Variants in ZFP36L2 observed in about 807,000 individuals in gnomAD.
ZFP36L2 encodes the protein mRNA decay activator protein ZFP36L2.
Under a neutral mutation model 27.9 loss-of-function variants are expected in ZFP36L2, and 16 were observed. The ratio of observed to expected loss-of-function variants is 0.57; its 90% CI spans 0.39 to 0.87. The LOEUF (loss-of-function observed/expected upper bound fraction) is 0.87. Among genes scored for constraint, ZFP36L2 ranks in the 40% least tolerant of loss-of-function variants. The pLI is 0.00. For missense variants in ZFP36L2, 989 were observed against 726.9 expected, an observed-to-expected ratio of 1.36 and a Z score of -4.15; for synonymous variants, 600 against 363.8, an observed-to-expected ratio of 1.65 and a Z score of -7.39.
chr2:43,225,101 C>T lies in ZFP36L2; in HGVS notation c.703G>A (p.Ala235Thr), dbSNP rs1468915069. The stretch of plus-strand genomic sequence containing the variant: ...TGCAACGCATCGCGCGTGCCAAAGG[C>T]ACGCAGGTCCCCGGAGGCGCCCCCC... Reference protein sequence around the residue: ...PSGGASGDLRAFGTRDALHLG... With the variant: ...PSGGASGDLRTFGTRDALHLG... The change falls in exon 2 of 2, where the codon GCC becomes ACC. Residue 235 changes from alanine to threonine, a missense_variant. Coordinates refer to ENST00000282388, the MANE Select transcript of ZFP36L2 (RefSeq NM_006887.5). 6.3e-7 allele frequency: 1 copy of T among 1,593,124 alleles called. No homozygotes were observed.
rs1464760639 is a variant in ZFP36L2, at chr2:43,224,766, C to T, written c.1038G>A (p.Pro346=). Residue 346 remains proline, a synonymous_variant, in exon 2 of 2, where the codon CCG becomes CCA. Transcript: ENST00000282388. ...ACGAGCAGGCCGCGCACGGGGCCCCCGGCGCCAGCAGGTCCTCGGCGCCCC... is the reference window on the plus strand; with the variant it reads ...ACGAGCAGGCCGCGCACGGGGCCCCTGGCGCCAGCAGGTCCTCGGCGCCCC... ...GTGGAEDLLA[P]GAPCAACSSA... 5 of 1,485,648 alleles carry T rather than the reference C, an allele frequency of 3.4e-6. No individual in the cohort carries two copies. The highest frequency in any genetic ancestry group is 1.3e-5 in the South Asian group (1 of 78,624). The allele number at this position is 1,485,648 out of a possible 1,614,324, so 92.0% of individuals were successfully genotyped here.
rs1426212776 is a variant in ZFP36L2 at position 43,224,043 on chromosome 2, T to C, written c.*276A>G. On this transcript the variant is annotated 3_prime_UTR_variant, in exon 2 of 2. Coordinates refer to ENST00000282388, the MANE Select transcript of ZFP36L2 (RefSeq NM_006887.5). ...TATCACAACTGCCCTGTTGTGAATA[T>C]TTTGTTCAACAGAAAAAGTTCGACT... The C allele has an allele frequency of 2.8e-6, 1 of 356,552 alleles. No homozygotes were observed. The highest frequency in any genetic ancestry group is 5.0e-6 in the Non-Finnish European group (1 of 200,026). The allele number at this position is 356,552 out of a possible 1,614,324, so 22.1% of individuals were successfully genotyped here. A position where few individuals can be genotyped will look rare whatever the true frequency, so the allele number is the denominator to read the frequency against.
chr2:43,224,487 G>C lies in ZFP36L2; in HGVS notation c.1317C>G (p.Asp439Glu). The C allele has an allele frequency of 6.7e-7, 1 of 1,499,766 alleles. No individual in the cohort carries two copies. Among genetic ancestry groups the C allele is most frequent in the African/African-American group, 1.4e-5 (1 of 69,156 alleles). 92.9% of individuals were successfully genotyped at this position (1,499,766 alleles called of 1,614,324 possible). A position where few individuals can be genotyped will look rare whatever the true frequency, so the allele number is the denominator to read the frequency against. ...TGGGGGGCGCGTCGAACACGGGCGA[G>C]TCGGACAGGCGGCGCGGCAGCTGGA... is the stretch of plus-strand genomic sequence containing the variant. ...FSFQLPRRLS[D>E]SPVFDAPPSP... Residue 439 changes from aspartate (D) to glutamate (E), a missense_variant, in exon 2 of 2, where the codon GAC (aspartate) becomes GAG (glutamate). By Grantham distance (45) the Asp-to-Glu change is conservative. Transcript: ENST00000282388.
At position 43,225,258 on chromosome 2, in the gene ZFP36L2, C is replaced by A; in HGVS notation, c.546G>T (p.Glu182Asp). 6.2e-7 allele frequency: 1 copy of A among 1,610,622 alleles called. No individual in the cohort carries two copies. The part of the protein sequence containing the change: ...EKCQFAHGFH[E>D]LRSLTRHPKY... ...TCGGATGGCGAGTCAGGCTGCGCAG[C>A]TCGTGGAAGCCATGCGCGAACTGGC... The change falls in exon 2 of 2, where the codon GAG becomes GAT. Residue 182 changes from glutamate (E) to aspartate (D), a missense_variant. Transcript: ENST00000282388.
rs140007857 is a variant in ZFP36L2, at chr2:43,225,336, G to A, written c.468C>T (p.Thr156=). The change falls in exon 2 of 2, where the codon ACC becomes ACT. Residue 156 remains threonine, a synonymous_variant. Transcript: ENST00000282388. ...GSQINSTRYK[T]ELCRPFEESG... The stretch of plus-strand genomic sequence containing the variant: ...TCTCCTCGAAGGGCCGGCACAGCTC[G>A]GTCTTGTAGCGCGTGGAGTTGATCT... The A allele has an allele frequency of 1.1e-5, 18 of 1,613,360 alleles. No individual in the cohort carries two copies. The Admixed American group carries it at 1.8e-4, about 16-fold the overall frequency.
Position 43,225,125 on chromosome 2 carries a change from C to A in ZFP36L2, c.679G>T (p.Gly227Trp). The A allele has an allele frequency of 1.3e-6, 2 of 1,594,608 alleles. No individual in the cohort carries two copies. The highest frequency in any genetic ancestry group is 1.3e-5 in the African/African-American group (1 of 74,930). Residue 227 changes from glycine (G) to tryptophan (W), a missense_variant, in exon 2 of 2, where the codon GGG (glycine) becomes TGG (tryptophan). By Grantham distance (184) the Gly-to-Trp change is radical. Transcript: ENST00000282388. ...NADERRPAPS[G>W]GASGDLRAFG... ...GCACGCAGGTCCCCGGAGGCGCCCC[C>A]CGACGGCGCGGGCCGCCGCTCGTCC...
Position 43,224,620 on chromosome 2 carries a change from T to TGAC in ZFP36L2, c.1181_1183dup (p.Ser394_Gln395insArg), listed in dbSNP as rs1667041629. 12 of 1,470,704 alleles carry TGAC rather than the reference T, an allele frequency of 8.2e-6. No individual in the cohort carries two copies. The Admixed American group carries it at 2.1e-4, about 26-fold the overall frequency. The allele number at this position is 1,470,704 out of a possible 1,614,324, so 91.1% of individuals were successfully genotyped here. ...CAGGCCCTGCTGCTGCTGCTGCTGC[T>TGAC]GACTGCGGTAGTAGGCGGCGGCGGC... is the stretch of plus-strand genomic sequence containing the variant. On this transcript the variant is annotated inframe_insertion, in exon 2 of 2. Transcript: ENST00000282388.
chr2:43,226,358 C>T lies in ZFP36L2; in HGVS notation c.-43G>A, dbSNP rs1168073332. ...TGGCCGGAGCGGCAGGCCGGGAGGT[C>T]GGGAGGAGCCCTTGGGGCGGCGTGG... On this transcript the variant is annotated 5_prime_UTR_variant, in exon 1 of 2. Coordinates refer to ENST00000282388, the MANE Select transcript of ZFP36L2 (RefSeq NM_006887.5). 2 of 1,556,154 alleles carry T rather than the reference C, an allele frequency of 1.3e-6. No homozygotes were observed. Among genetic ancestry groups the T allele is most frequent in the Non-Finnish European group, 1.7e-6 (2 of 1,149,490 alleles).
rs780997824 is a variant in ZFP36L2 at position 43,224,789 on chromosome 2, C to G, written c.1015G>C (p.Gly339Arg). ...CCCGGCGCCAGCAGGTCCTCGGCGC[C>G]CCCGGTGCCGTACAGCAGAGCGGCC... ...AAAALLYGTG[G>R]AEDLLAPGAP... is the part of the protein sequence containing the mutation. The change falls in exon 2 of 2, where the codon GGC becomes CGC. Residue 339 changes from glycine (G) to arginine (R), a missense_variant. Gly to Arg is a moderately radical substitution (Grantham distance 125, BLOSUM62 -2). Coordinates refer to ENST00000282388, the MANE Select transcript of ZFP36L2 (RefSeq NM_006887.5). 7 of 1,463,470 alleles carry G rather than the reference C, an allele frequency of 4.8e-6. No homozygotes were observed. Among genetic ancestry groups the G allele is most frequent in the Non-Finnish European group, 3.6e-6 (4 of 1,115,660 alleles). 90.7% of individuals were successfully genotyped at this position (1,463,470 alleles called of 1,614,324 possible). A position where few individuals can be genotyped will look rare whatever the true frequency, so the allele number is the denominator to read the frequency against.
At chr2:43,226,062 G>A (rs1667092627) in intron 1 of ZFP36L2, among the ~76,000 whole-genome samples, 1 of 152,148 alleles carries the variant, frequency 6.6e-6, no homozygotes, top group Admixed American at 6.5e-5. Context: ...GCCGCGGTCG[G>A]CAGTGGAGAA....
chr2:43,223,349 TA>T lies in ZFP36L2; in HGVS notation c.*969del, dbSNP rs1330581153. Reference sequence around the variant, plus strand: ...ATACACTCCACATTTTGCCGATTAATAATGGCAATCATAATTTAACATAATA... The same window carrying T: ...ATACACTCCACATTTTGCCGATTAATATGGCAATCATAATTTAACATAATA... On this transcript the variant is annotated 3_prime_UTR_variant, in exon 2 of 2. Transcript: ENST00000282388. 1 of 152,294 alleles carries T rather than the reference TA, an allele frequency of 6.6e-6. No individual in the cohort carries two copies. Among genetic ancestry groups the T allele is most frequent in the African/African-American group, 2.4e-5 (1 of 41,442 alleles). The allele number at this position is 152,294 out of a possible 1,614,324, so 9.4% of individuals were successfully genotyped here. A position where few individuals can be genotyped will look rare whatever the true frequency, so the allele number is the denominator to read the frequency against.
rs1044874287 is a variant in ZFP36L2 at position 43,226,568 on chromosome 2, C to T, written c.-253G>A. 6.0e-6 allele frequency: 3 copies of T among 501,176 alleles called. No individual in the cohort carries two copies. The highest frequency in any genetic ancestry group is 2.6e-5 in the South Asian group (1 of 38,774). The allele number at this position is 501,176 out of a possible 1,614,324, so 31.0% of individuals were successfully genotyped here. ...GCCCCGGGGTGCCCGGCCCGCCCCC[C>T]CCGCGGAGCCGACGGCAGCTCGCGG... On this transcript the variant is annotated 5_prime_UTR_variant, in exon 1 of 2. Transcript: ENST00000282388.
chr2:43,224,289 T>TC lies in ZFP36L2; in HGVS notation c.*29dup. 1.3e-6 allele frequency: 2 copies of TC among 1,526,504 alleles called. No individual in the cohort carries two copies. Among genetic ancestry groups the TC allele is most frequent in the Non-Finnish European group, 1.8e-6 (2 of 1,142,546 alleles). 94.6% of individuals were successfully genotyped at this position (1,526,504 alleles called of 1,614,324 possible). On this transcript the variant is annotated 3_prime_UTR_variant, in exon 2 of 2. Transcript: ENST00000282388. ...GTCCTCCAACATCTCTGAACCGCCT[T>TC]CCCTTCCTCCTCACTGGCGCCCTCT...
Position 43,226,402 on chromosome 2 carries a change from G to T in ZFP36L2, c.-87C>A. On this transcript the variant is annotated 5_prime_UTR_variant, in exon 1 of 2. Coordinates refer to ENST00000282388, the MANE Select transcript of ZFP36L2 (RefSeq NM_006887.5). ...GGCGTGGCCGGGCTTGAGCCACGAC[G>T]AATAACGGGCGAGGGGCGGGGAGGG... 2.0e-6 allele frequency: 3 copies of T among 1,507,890 alleles called. No homozygotes were observed. The highest frequency in any genetic ancestry group is 1.4e-5 in the African/African-American group (1 of 71,818). 93.4% of individuals were successfully genotyped at this position (1,507,890 alleles called of 1,614,324 possible).
rs751538740 is a variant in ZFP36L2 at position 43,225,007 on chromosome 2, C to T, written c.797G>A (p.Gly266Asp). The T allele has an allele frequency of 1.1e-5, 17 of 1,593,332 alleles. No individual in the cohort carries two copies. Among genetic ancestry groups the T allele is most frequent in the Non-Finnish European group, 1.2e-5 (14 of 1,178,038 alleles). Residue 266 changes from glycine (G) to aspartate (D), a missense_variant, in exon 2 of 2, where the codon GGC (glycine) becomes GAC (aspartate). Gly to Asp is a moderately conservative substitution (Grantham distance 94). Transcript: ENST00000282388. ...GAGGCCGCCCGGGGGCTGATGGTGGCCCGACGGGAAGCCCGAGAAGCTGAG... is the reference window on the plus strand; with the variant it reads ...GAGGCCGCCCGGGGGCTGATGGTGGTCCGACGGGAAGCCCGAGAAGCTGAG... ...HSLSFSGFPS[G>D]HHQPPGGLES...
chr2:43,226,384 C>A lies in ZFP36L2; in HGVS notation c.-69G>T. ...GGGAGGAGCCCTTGGGGCGGCGTGG[C>A]CGGGCTTGAGCCACGACGAATAACG... On this transcript the variant is annotated 5_prime_UTR_variant, in exon 1 of 2. Transcript: ENST00000282388. The A allele has an allele frequency of 1.3e-6, 2 of 1,545,814 alleles. No individual in the cohort carries two copies. Among genetic ancestry groups the A allele is most frequent in the South Asian group, 2.4e-5 (2 of 84,144 alleles).
chr2:43,226,569 C>G lies in ZFP36L2; in HGVS notation c.-254G>C, dbSNP rs566245657. Reference sequence around the variant, plus strand: ...CCCCGGGGTGCCCGGCCCGCCCCCCCCGCGGAGCCGACGGCAGCTCGCGGA... The same window carrying G: ...CCCCGGGGTGCCCGGCCCGCCCCCCGCGCGGAGCCGACGGCAGCTCGCGGA... On this transcript the variant is annotated 5_prime_UTR_variant, in exon 1 of 2. Transcript: ENST00000282388. The G allele has an allele frequency of 3.4e-5, 17 of 500,520 alleles. No individual in the cohort carries two copies. The highest frequency in any genetic ancestry group is 8.8e-5 in the Admixed American group (2 of 22,632). 31.0% of individuals were successfully genotyped at this position (500,520 alleles called of 1,614,324 possible).
chr2:43,225,952 A>T (rs1373515997), intron 1 of ZFP36L2, among the ~76,000 whole-genome samples, 200 bp from the exon 2 acceptor site: 1 of 151,014 alleles, frequency 6.6e-6, no homozygotes, highest in Non-Finnish European at 1.5e-5. Context: ...AGAGGGGAGG[A>T]CGCCCACCGT....
Position 43,224,586 on chromosome 2 carries a change from G to A in ZFP36L2, c.1218C>T (p.Pro406=), listed in dbSNP as rs758884142. The A allele has an allele frequency of 1.5e-6, 2 of 1,339,726 alleles. No homozygotes were observed. The highest frequency in any genetic ancestry group is 1.9e-6 in the Non-Finnish European group (2 of 1,049,982). 83.0% of individuals were successfully genotyped at this position (1,339,726 alleles called of 1,614,324 possible). ...QQQQQQGLAP[P]AQPPAPPSAT... ...CGCTGGGCGGCGCCGGCGGCTGCGC[G>A]GGGGGCGCCAGGCCCTGCTGCTGCT... The change falls in exon 2 of 2, where the codon CCC becomes CCT. Residue 406 remains proline (P), a synonymous_variant. Transcript: ENST00000282388.
Sources: allele counts gnomAD v4.1 joint callset (sites outside exome capture counted in the v4.1 genomes callset), GRCh38; gene constraint gnomAD v4.1.1; transcripts MANE v1.5; gene names NCBI Gene and HGNC (gene_info 2026-07-23, HGNC 2026-07-21).